CSF2: variants seen among roughly 807,000 people sequenced by gnomAD.
CSF2 encodes the protein granulocyte-macrophage colony-stimulating factor.
In CSF2, 2 loss-of-function variants were observed where a neutral mutation model predicts 13.5. The observed-to-expected ratio is 0.15, with a 90% CI of 0.06 to 0.47. CSF2 has a LOEUF of 0.47. CSF2 is among the 20% of genes least tolerant of loss of function. The pLI is 0.97. For synonymous variants in CSF2, 66 were observed against 69.2 expected, an observed-to-expected ratio of 0.95 and a Z score of 0.23; for missense variants, 141 against 179.7, an observed-to-expected ratio of 0.78 and a Z score of 1.23.
chr5:132,074,780 C>T lies in CSF2; in HGVS notation c.202-30C>T, dbSNP rs143886690. The stretch of plus-strand genomic sequence containing the variant: ...TTGTACCACTGTGGGCACTTGGCCA[C>T]TGCTCACCGACGAACGACATTTTCC... On this transcript the variant is annotated intron_variant, in intron 2 of 3. Transcript: ENST00000296871. 6 of 1,613,796 alleles carry T rather than the reference C, an allele frequency of 3.7e-6. No homozygotes were observed. In the East Asian group the frequency reaches 1.3e-4, roughly 36 times the overall value.
At chr5:132,074,785 C>T (rs775570265) in intron 2 of CSF2, 25 bp from the exon 3 acceptor site, 119 of 1,613,694 alleles carry the variant, frequency 7.4e-5, no homozygotes, top group Non-Finnish European at 9.8e-5. Context: ...GGCCACTGCT[C>T]ACCGACGAAC....
Position 132,074,837 on chromosome 5 carries a change from G to T in CSF2, c.229G>T (p.Glu77Ter). 1 of 1,613,826 alleles carries T rather than the reference G, an allele frequency of 6.2e-7. No homozygotes were observed. The highest frequency in any genetic ancestry group is 8.5e-7 in the Non-Finnish European group (1 of 1,180,018). The stretch of plus-strand genomic sequence containing the variant: ...GCCGACCTGCCTACAGACCCGCCTG[G>T]AGCTGTACAAGCAGGGCCTGCGGGG... ...QEPTCLQTRLELYKQGLRGSL... is the reference protein window; with the variant it reads ...QEPTCLQTRL Residue 77 changes from glutamate (E) to a stop codon, truncating the protein, a stop_gained, in exon 3 of 4, where the codon GAG (glutamate) becomes TAG (stop). Coordinates refer to ENST00000296871, the MANE Select transcript of CSF2 (RefSeq NM_000758.4). LOFTEE classifies it high-confidence loss of function.
intron 2 of CSF2, 94 bp from the exon 3 acceptor site, chr5:132,074,716 G>A: frequency 6.3e-7 from 1 of 1,598,768 alleles, no homozygotes. Context: ...CTACTCCTGG[G>A]GGCTGGGGGC....
chr5:132,075,490 C>T (rs1318755303), intron 3 of CSF2, among the ~76,000 whole-genome samples: 1 of 152,230 alleles, frequency 6.6e-6, no homozygotes, highest in Non-Finnish European at 1.5e-5. Context: ...AGGCGTTTGA[C>T]TGCCCAGAAG....
Position 132,074,115 on chromosome 5 carries a change from A to G in CSF2, c.194A>G (p.Asp65Gly), listed in dbSNP as rs936812640. The G allele has an allele frequency of 1.2e-6, 2 of 1,613,810 alleles. No individual in the cohort carries two copies. Among genetic ancestry groups the G allele is most frequent in the Non-Finnish European group, 1.7e-6 (2 of 1,180,028 alleles). ...ETVEVISEMFDLQEPTCLQTR... is the reference protein window; with the variant it reads ...ETVEVISEMFGLQEPTCLQTR... ...GTAGAAGTCATCTCAGAAATGTTTG[A>G]CCTCCAGGTAAGATGCTTCTCTCTG... is the stretch of plus-strand genomic sequence containing the variant. The change falls in exon 2 of 4, where the codon GAC (aspartate) becomes GGC (glycine). Residue 65 changes from aspartate (D) to glycine (G), a missense_variant. By Grantham distance (94) the Asp-to-Gly change is moderately conservative. Coordinates refer to ENST00000296871, the MANE Select transcript of CSF2 (RefSeq NM_000758.4).
intron 3 of CSF2, among the ~76,000 whole-genome samples, chr5:132,075,446 C>T (rs1282790600): frequency 6.6e-6 from 1 of 152,264 alleles, no homozygotes; most frequent in African/African-American, 2.4e-5. Flanking sequence ...GACCTCAGCC[C>T]AGCTGCCCTG....
chr5:132,074,694 C>T (rs1431264556), intron 2 of CSF2, 116 bp from the exon 3 acceptor site: 1 of 1,531,728 alleles, frequency 6.5e-7, no homozygotes, highest in Non-Finnish European at 9.0e-7. Context: ...CAGCCTGTGC[C>T]CCTCCCAAGC....
Position 132,073,967 on chromosome 5 carries a change from C to T in CSF2, c.144C>T (p.Asp48=), listed in dbSNP as rs1756668396. ...EARRLLNLSR[D]TAAEMNETVE... ...GGCGTCTCCTGAACCTGAGTAGAGA[C>T]ACTGCTGCTGAGATGGTAAGTGAGA... The change falls in exon 1 of 4, where the codon GAC becomes GAT. Residue 48 remains aspartate (D), a synonymous_variant. Coordinates refer to ENST00000296871, the MANE Select transcript of CSF2 (RefSeq NM_000758.4). 1 of 1,613,598 alleles carries T rather than the reference C, an allele frequency of 6.2e-7. No homozygotes were observed. Among genetic ancestry groups the T allele is most frequent in the Non-Finnish European group, 8.5e-7 (1 of 1,180,050 alleles).
In CSF2 at chr5:132,073,904, G is replaced by A. The variant is rs2069622; in HGVS notation, c.81G>A (p.Thr27=). Residue 27 remains threonine (T), a synonymous_variant, in exon 1 of 4, where the codon ACG becomes ACA. Transcript: ENST00000296871. ...SAPARSPSPS[T]QPWEHVNAIQ... ...CCGCCCGCTCGCCCAGCCCCAGCACGCAGCCCTGGGAGCATGTGAATGCCA... is the reference window on the plus strand; with the variant it reads ...CCGCCCGCTCGCCCAGCCCCAGCACACAGCCCTGGGAGCATGTGAATGCCA... The A allele has an allele frequency of 1.7e-3, 2,694 of 1,613,206 alleles. 44 individuals carry two copies. The African/African-American group carries it at 0.032, about 19-fold the overall frequency.
chr5:132,074,801 T>C lies in CSF2; in HGVS notation c.202-9T>C. ...GCCACTGCTCACCGACGAACGACAT[T>C]TTCCACAGGAGCCGACCTGCCTACA... On this transcript the variant is annotated splice_polypyrimidine_tract_variant and intron_variant, in intron 2 of 3. Coordinates refer to ENST00000296871, the MANE Select transcript of CSF2 (RefSeq NM_000758.4). 1 of 1,613,782 alleles carries C rather than the reference T, an allele frequency of 6.2e-7. No individual in the cohort carries two copies.
Position 132,073,880 on chromosome 5 carries a change from C to G in CSF2, c.57C>G (p.Pro19=). The G allele has an allele frequency of 6.2e-7, 1 of 1,613,038 alleles. No homozygotes were observed. The highest frequency in any genetic ancestry group is 8.5e-7 in the Non-Finnish European group (1 of 1,180,022). The change falls in exon 1 of 4, where the codon CCC becomes CCG. Residue 19 remains proline (P), a synonymous_variant. Coordinates refer to ENST00000296871, the MANE Select transcript of CSF2 (RefSeq NM_000758.4). ...LGTVACSISA[P]ARSPSPSTQP... ...CTGTGGCCTGCAGCATCTCTGCACC[C>G]GCCCGCTCGCCCAGCCCCAGCACGC...
In CSF2 at chr5:132,075,757, G is replaced by A; in HGVS notation, c.340G>A (p.Ala114Thr). ...TCTTTTTTTAAAGGAAACTTCCTGTGCAACCCAGATTATCACCTTTGAAAG... is the reference window on the plus strand; with the variant it reads ...TCTTTTTTTAAAGGAAACTTCCTGTACAACCCAGATTATCACCTTTGAAAG... ...HCPPTPETSC[A>T]TQIITFESFK... is the part of the protein sequence containing the mutation. Residue 114 changes from alanine (A) to threonine (T), a missense_variant, in exon 4 of 4, where the codon GCA becomes ACA. By Grantham distance (58) the Ala-to-Thr change is moderately conservative. Transcript: ENST00000296871. 6.2e-7 allele frequency: 1 copy of A among 1,608,420 alleles called. No homozygotes were observed. Among genetic ancestry groups the A allele is most frequent in the Non-Finnish European group, 8.5e-7 (1 of 1,179,480 alleles).
At chr5:132,074,540 C>A (rs188324331) in intron 2 of CSF2, among the ~76,000 whole-genome samples, 78 of 152,316 alleles carry the variant, frequency 5.1e-4, no homozygotes, top group Middle Eastern at 3.4e-3. Context: ...GCCCCACCCC[C>A]CTCTCCCTGA....
rs949835939 is a variant in CSF2, at chr5:132,074,979, AG to A, written c.327+49del. On this transcript the variant is annotated intron_variant, in intron 3 of 3. Transcript: ENST00000296871. Reference sequence around the variant, plus strand: ...GCCTCCAGCAGGAATGTCTTAATCTAGGGGGTGGGGTCGACATGGGGAGAGA... The same window carrying A: ...GCCTCCAGCAGGAATGTCTTAATCTAGGGGTGGGGTCGACATGGGGAGAGA... The A allele has an allele frequency of 3.1e-6, 5 of 1,611,970 alleles. No individual in the cohort carries two copies. In the African/African-American group the frequency reaches 5.3e-5, roughly 17 times the overall value.
chr5:132,074,590 T>C (rs1017093598), intron 2 of CSF2, among the ~76,000 whole-genome samples: 15 of 152,066 alleles, frequency 9.9e-5, no homozygotes, highest in Non-Finnish European at 1.5e-5. Context: ...AAGGCTGGGC[T>C]CCTCTCCAGG....
intron 2 of CSF2, 74 bp downstream of exon 2, chr5:132,074,196 TG>T: frequency 6.6e-7 from 1 of 1,518,464 alleles, no homozygotes; most frequent in Non-Finnish European, 9.1e-7. Flanking sequence ...CCATTTTAGA[TG>T]GCACCACACA....
intron 3 of CSF2, 52 bp from the exon 4 acceptor site, chr5:132,075,693 A>AC: frequency 7.3e-7 from 1 of 1,373,622 alleles, no homozygotes; most frequent in Non-Finnish European, 1.0e-6. Flanking sequence ...TCCTTCCCCC[A>AC]CGTTACCCAC....
chr5:132,073,909 C>A lies in CSF2; in HGVS notation c.86C>A (p.Pro29His). 6.2e-7 allele frequency: 1 copy of A among 1,613,278 alleles called. No individual in the cohort carries two copies. The highest frequency in any genetic ancestry group is 1.1e-5 in the South Asian group (1 of 91,084). ...PARSPSPSTQ[P>H]WEHVNAIQEA... is the part of the protein sequence containing the mutation. ...CGCTCGCCCAGCCCCAGCACGCAGC[C>A]CTGGGAGCATGTGAATGCCATCCAG... Residue 29 changes from proline (P) to histidine (H), a missense_variant, in exon 1 of 4, where the codon CCC (proline) becomes CAC (histidine). Coordinates refer to ENST00000296871, the MANE Select transcript of CSF2 (RefSeq NM_000758.4).
chr5:132,075,792 G>A lies in CSF2; in HGVS notation c.375G>A (p.Glu125=), dbSNP rs748213403. 8.1e-6 allele frequency: 13 copies of A among 1,611,186 alleles called. No homozygotes were observed. The African/African-American group carries it at 1.6e-4, about 20-fold the overall frequency. ...TQIITFESFK[E]NLKDFLLVIP... is the part of the protein sequence containing the mutation. ...TTATCACCTTTGAAAGTTTCAAAGA[G>A]AACCTGAAGGACTTTCTGCTTGTCA... The change falls in exon 4 of 4, where the codon GAG becomes GAA. Residue 125 remains glutamate (E), a synonymous_variant. Coordinates refer to ENST00000296871, the MANE Select transcript of CSF2 (RefSeq NM_000758.4).
Sources: allele counts gnomAD v4.1 joint callset (sites outside exome capture counted in the v4.1 genomes callset), GRCh38; gene constraint gnomAD v4.1.1; transcripts MANE v1.5; gene names NCBI Gene and HGNC (gene_info 2026-07-23, HGNC 2026-07-21).